MEF2C: variants seen among roughly 807,000 people sequenced by gnomAD.
The protein encoded by MEF2C is myocyte enhancer factor 2C, also known as myocyte-specific enhancer factor 2C.
A neutral mutation model predicts 50.5 loss-of-function variants in MEF2C; 6 were observed. The observed-to-expected ratio is 0.12, with a 90% CI of 0.07 to 0.23. The LOEUF (loss-of-function observed/expected upper bound fraction) is 0.23, where lower values mean the gene tolerates loss of function less well. MEF2C is among the 10% of genes least tolerant of loss of function. The pLI is 1.00. For missense variants in MEF2C, 276 were observed against 605.0 expected (o/e 0.46, Z 5.70); for synonymous variants, 183 against 228.0 (o/e 0.80, Z 1.78).
At chr5:88,868,504 A>G (rs899853569) in intron 1 of MEF2C, among the ~76,000 whole-genome samples, 2 of 152,192 alleles carry the variant, frequency 1.3e-5, no homozygotes, top group East Asian at 3.8e-4. Flanking sequence ...TTCAAATTGC[A>G]GCAAAATAAA....
chr5:88,883,098 G>C lies in MEF2C; in HGVS notation c.-286C>G, dbSNP rs1833464936. 1.3e-5 allele frequency: 2 copies of C among 152,398 alleles called. No homozygotes were observed. Among genetic ancestry groups the C allele is most frequent in the South Asian group, 4.2e-4 (2 of 4,804 alleles). The allele number at this position is 152,398 out of a possible 1,614,324, so 9.4% of individuals were successfully genotyped here. A position where few individuals can be genotyped will look rare whatever the true frequency, so the allele number is the denominator to read the frequency against. ...CCACCTGATTCAAACATGCAGCCACGGCGACCCACACAGAACCTTCAAAGT... is the reference window on the plus strand; with the variant it reads ...CCACCTGATTCAAACATGCAGCCACCGCGACCCACACAGAACCTTCAAAGT... On this transcript the variant is annotated 5_prime_UTR_variant, in exon 1 of 11. Coordinates refer to ENST00000504921, the MANE Select transcript of MEF2C (RefSeq NM_002397.5).
chr5:88,826,138 C>T (rs949794686), intron 1 of MEF2C, among the ~76,000 whole-genome samples: 2 of 151,716 alleles, frequency 1.3e-5, no homozygotes, highest in Non-Finnish European at 2.9e-5. Flanking sequence ...TTGAATGAGA[C>T]CATTTTTAAA....
At chr5:88,836,798 A>T (rs966528091) in intron 1 of MEF2C, among the ~76,000 whole-genome samples, 6 of 152,174 alleles carry the variant, frequency 3.9e-5, no homozygotes, top group Admixed American at 3.3e-4. Flanking sequence ...TGTAAAAAAG[A>T]TCAGGTACTA....
At chr5:88,866,020 C>G (rs1043483283) in intron 1 of MEF2C, among the ~76,000 whole-genome samples, 2 of 152,026 alleles carry the variant, frequency 1.3e-5, no homozygotes, top group Non-Finnish European at 2.9e-5. Flanking sequence ...CTCAGCCTCC[C>G]GAGTAGCTGG....
At chr5:88,866,088 G>A (rs1827275302) in intron 1 of MEF2C, among the ~76,000 whole-genome samples, 1 of 152,044 alleles carries the variant, frequency 6.6e-6, no homozygotes, top group Admixed American at 6.5e-5. Flanking sequence ...AGTAGAGACG[G>A]GGTTTCACCG....
At chr5:88,777,923 G>A (rs1175869301) in intron 3 of MEF2C, among the ~76,000 whole-genome samples, 1 of 7,418 alleles carries the variant, frequency 1.3e-4, no homozygotes, top group East Asian at 4.9e-3. Context: ...TTTTTTTTTT[G>A]AGATGGAGTC....
chr5:88,728,785 G>T (rs996088111), intron 9 of MEF2C, among the ~76,000 whole-genome samples, 157 bp from the exon 10 acceptor site: 3 of 152,058 alleles, frequency 2.0e-5, no homozygotes, highest in African/African-American at 7.2e-5. Context: ...AAGCATCAGC[G>T]ATAATTCTAA....
chr5:88,867,309 T>A (rs1827721613), intron 1 of MEF2C, among the ~76,000 whole-genome samples: 1 of 152,202 alleles, frequency 6.6e-6, no homozygotes, highest in Non-Finnish European at 1.5e-5. Flanking sequence ...CTTCTTCTTA[T>A]CTAACAGATA....
At chr5:88,849,288 T>G (rs752725932) in intron 1 of MEF2C, among the ~76,000 whole-genome samples, 19 of 152,180 alleles carry the variant, frequency 1.2e-4, no homozygotes, top group Non-Finnish European at 1.0e-4. Context: ...TGCTTAACCC[T>G]TAAAATTCAC....
At chr5:88,902,079 T>TCAGTTTTGCAGTTTTG (rs1202887833) in intron 1 of MEF2C, among the ~76,000 whole-genome samples, 11 of 151,798 alleles carry the variant, frequency 7.2e-5, no homozygotes, top group Non-Finnish European at 1.3e-4. Flanking sequence ...CACATGTTGT[T>TCAGTTTTGCAGTTTTG]CAGTTTTGCA....
At chr5:88,801,801 T>A (rs1798493329) in intron 3 of MEF2C, among the ~76,000 whole-genome samples, 1 of 152,112 alleles carries the variant, frequency 6.6e-6, no homozygotes, top group Non-Finnish European at 1.5e-5. Context: ...GGGGAACTTT[T>A]TATAAATGCA....
chr5:88,755,370 T>C (rs1774817553), intron 4 of MEF2C, among the ~76,000 whole-genome samples: 1 of 152,224 alleles, frequency 6.6e-6, no homozygotes, highest in Non-Finnish European at 1.5e-5. Flanking sequence ...TGACCCAAAG[T>C]CATCTAACTA....
At chr5:88,897,889 C>A (rs1451818011) in intron 1 of MEF2C, among the ~76,000 whole-genome samples, 1 of 152,070 alleles carries the variant, frequency 6.6e-6, no homozygotes, top group Non-Finnish European at 1.5e-5. Flanking sequence ...CTCAAAGAAC[C>A]AAAGTGCCTC....
chr5:88,744,053 A>C, intron 6 of MEF2C: 2 of 977,280 alleles, frequency 2.0e-6, no homozygotes, highest in Non-Finnish European at 2.4e-6. Flanking sequence ...TCAACTATGA[A>C]TCAATAACTC....
rs554634639 is a variant in MEF2C, at chr5:88,800,509, G to T, written c.258+4089C>A. On this transcript the variant is annotated intron_variant, in intron 3 of 10. Transcript: ENST00000504921. ...CTAAATCATTGCTAAATGAAGCAAT[G>T]GGCTGTAAGCATGTCCTGTGGGATC... Among the ~76,000 whole-genome samples the T allele has an allele frequency of 3.3e-5, 5 of 152,286 alleles. No individual in the cohort carries two copies. The South Asian group carries it at 1.0e-3, about 32-fold the overall frequency.
intron 3 of MEF2C, among the ~76,000 whole-genome samples, chr5:88,802,566 C>T (rs1024447962): frequency 6.6e-6 from 1 of 152,152 alleles, no homozygotes; most frequent in Non-Finnish European, 1.5e-5. Flanking sequence ...CCCCCTTCAG[C>T]CCCCCAGGTA....
chr5:88,878,064 T>A (rs1433324618), intron 1 of MEF2C: 1 of 152,036 alleles, frequency 6.6e-6, no homozygotes, highest in Non-Finnish European at 1.5e-5. Flanking sequence ...TTGAAATGTG[T>A]CCAACAATTG....
At chr5:88,903,091 A>AT (rs1835826257) in intron 1 of MEF2C, among the ~76,000 whole-genome samples, 1 of 152,000 alleles carries the variant, frequency 6.6e-6, no homozygotes, top group South Asian at 2.1e-4. Context: ...ATGTGGTCTC[A>AT]TTTTTTCATG....
intron 3 of MEF2C, 94 bp from the exon 4 acceptor site, chr5:88,761,422 G>C (rs750351103): frequency 1.4e-4 from 192 of 1,404,934 alleles, no homozygotes; most frequent in Non-Finnish European, 1.8e-4. Flanking sequence ...AGTATTTCAG[G>C]TTATTACATA....
Sources: gnomAD v4.1 joint callset for allele counts (sites outside exome capture counted in the v4.1 genomes callset) on GRCh38, gnomAD v4.1.1 for gene constraint, MANE v1.5 for transcripts, NCBI Gene and HGNC (gene_info 2026-07-23, HGNC 2026-07-21) for gene names.